Variants in POU6F2 observed in about 807,000 individuals in gnomAD.
POU6F2 encodes the protein POU class 6 homeobox 2, also known as POU domain, class 6, transcription factor 2.
POU6F2 carries 31 observed loss-of-function variants against 71.3 expected under a neutral mutation model. That is an observed-to-expected ratio of 0.43 (90% CI 0.33 to 0.59). POU6F2 has a LOEUF of 0.59. Among genes scored for constraint, POU6F2 ranks in the 20% least tolerant of loss-of-function variants. The pLI is 0.04. For synonymous variants in POU6F2, 347 were observed against 355.7 expected (o/e 0.98, Z 0.27); for missense variants, 783 against 856.8 (o/e 0.91, Z 1.07).
At chr7:39,309,550 C>G (rs1413284222) in intron 4 of POU6F2, among the ~76,000 whole-genome samples, 1 of 152,132 alleles carries the variant, frequency 6.6e-6, no homozygotes, top group Non-Finnish European at 1.5e-5. Context: ...TCTAGAAACT[C>G]CACACCTTTA....
At chr7:38,998,587 A>C (rs538986989) in intron 1 of POU6F2, among the ~76,000 whole-genome samples, 1 of 152,294 alleles carries the variant, frequency 6.6e-6, no homozygotes, top group East Asian at 1.9e-4. Flanking sequence ...TGTTCTGTAA[A>C]GTATTTTCAA....
chr7:39,411,561 T>C (rs918083342), intron 6 of POU6F2, among the ~76,000 whole-genome samples: 2 of 152,162 alleles, frequency 1.3e-5, no homozygotes, highest in Non-Finnish European at 2.9e-5. Context: ...AACACTATTA[T>C]TTCAATGTAT....
At chr7:39,255,862 C>T (rs1421861889) in intron 4 of POU6F2, among the ~76,000 whole-genome samples, 1 of 152,158 alleles carries the variant, frequency 6.6e-6, no homozygotes, top group Non-Finnish European at 1.5e-5. Context: ...CTCAAATTTC[C>T]AGCCATGAGC....
chr7:39,239,995 T>C (rs911512343), intron 4 of POU6F2, among the ~76,000 whole-genome samples: 3 of 152,156 alleles, frequency 2.0e-5, no homozygotes. Flanking sequence ...ACACTTCCAC[T>C]ATGATGAGAA....
chr7:39,220,982 T>C (rs1794343323), intron 4 of POU6F2, among the ~76,000 whole-genome samples: 1 of 152,176 alleles, frequency 6.6e-6, no homozygotes, highest in Admixed American at 6.5e-5. Context: ...ATTTATATAT[T>C]GATAATGTGT....
intron 5 of POU6F2, among the ~76,000 whole-genome samples, chr7:39,370,358 C>T (rs553291297): frequency 1.3e-5 from 2 of 152,314 alleles, no homozygotes; most frequent in Admixed American, 6.5e-5. Flanking sequence ...TGTAGGAAGA[C>T]AGCAGTTGCT....
At chr7:39,156,672 A>G (rs1260811892) in intron 2 of POU6F2, among the ~76,000 whole-genome samples, 1 of 152,120 alleles carries the variant, frequency 6.6e-6, no homozygotes, top group Non-Finnish European at 1.5e-5. Flanking sequence ...ACAGTCATTC[A>G]TCTTGTTTAT....
chr7:39,195,824 G>T (rs914346764), intron 2 of POU6F2, among the ~76,000 whole-genome samples: 1 of 152,116 alleles, frequency 6.6e-6, no homozygotes, highest in Non-Finnish European at 1.5e-5. Context: ...CTCTAGCCTT[G>T]CCATTTCCAC....
chr7:38,997,147 C>T (rs903767856), intron 1 of POU6F2, among the ~76,000 whole-genome samples: 2 of 149,960 alleles, frequency 1.3e-5, no homozygotes, highest in African/African-American at 2.4e-5. Flanking sequence ...AGATTTCCAC[C>T]TGCTCTGTGT....
chr7:39,406,428 C>T, intron 5 of POU6F2, 172 bp from the exon 6 acceptor site: 2 of 677,820 alleles, frequency 3.0e-6, no homozygotes, highest in East Asian at 2.7e-5. Flanking sequence ...TTTCCATCAT[C>T]CCCCTACCCC....
In POU6F2 at chr7:39,015,974, TATATATAGATATATATA is replaced by T. The variant is rs796136096; in HGVS notation, c.105+37933_105+37949del. Among the ~76,000 whole-genome samples, 318 of 40,348 alleles carry T rather than the reference TATATATAGATATATATA, an allele frequency of 7.9e-3. 5 individuals carry two copies. Among genetic ancestry groups the T allele is most frequent in the African/African-American group, 0.024 (188 of 7,758 alleles). The allele number at this position is 40,348 out of a possible 152,430, so 26.5% of individuals were successfully genotyped here. A position where few individuals can be genotyped will look rare whatever the true frequency, so the allele number is the denominator to read the frequency against. On this transcript the variant is annotated intron_variant, in intron 1 of 9. Coordinates refer to ENST00000518318, the MANE Select transcript of POU6F2 (RefSeq NM_001370959.1). ...TTATATATTGTATATTGATATATATTATATATAGATATATATAATATATAGATATATATTATATATTA... is the reference window on the plus strand; with the variant it reads ...TTATATATTGTATATTGATATATATTATATATAGATATATATTATATATTA...
chr7:39,301,383 C>T (rs920965058), intron 4 of POU6F2, among the ~76,000 whole-genome samples: 7 of 152,270 alleles, frequency 4.6e-5, no homozygotes, highest in East Asian at 3.9e-4. Flanking sequence ...ATCACATCAG[C>T]GCTGGCCAAC....
intron 2 of POU6F2, among the ~76,000 whole-genome samples, chr7:39,193,080 C>T (rs1158390605): frequency 6.6e-6 from 1 of 152,122 alleles, no homozygotes; most frequent in African/African-American, 2.4e-5. Context: ...TTGACTGGGA[C>T]CTGAGCATCT....
At chr7:39,179,533 G>GCACACACA (rs564316167) in intron 2 of POU6F2, among the ~76,000 whole-genome samples, 8 of 151,436 alleles carry the variant, frequency 5.3e-5, no homozygotes, top group Non-Finnish European at 7.4e-5. Flanking sequence ...GCACATGCGC[G>GCACACACA]CACACACACA....
intron 5 of POU6F2, among the ~76,000 whole-genome samples, chr7:39,384,567 CAAAAA>C (rs34812278): frequency 2.0e-5 from 3 of 151,396 alleles, no homozygotes; most frequent in Non-Finnish European, 2.9e-5. Context: ...CAAAAAATGA[CAAAAA>C]AAAAGCCCTG....
intron 4 of POU6F2, among the ~76,000 whole-genome samples, chr7:39,214,678 G>T (rs1794205740): frequency 6.6e-6 from 1 of 152,194 alleles, no homozygotes; most frequent in Non-Finnish European, 1.5e-5. Flanking sequence ...ACTTGTAAAA[G>T]GTGCTCAAGT....
At chr7:39,163,227 G>T (rs1793035560) in intron 2 of POU6F2, among the ~76,000 whole-genome samples, 1 of 152,168 alleles carries the variant, frequency 6.6e-6, no homozygotes, top group Admixed American at 6.5e-5. Context: ...TATCTCCCAA[G>T]AATCATATCT....
intron 1 of POU6F2, among the ~76,000 whole-genome samples, chr7:39,065,097 A>G (rs919277855): frequency 6.6e-5 from 10 of 151,952 alleles, no homozygotes; most frequent in Middle Eastern, 3.4e-3. Flanking sequence ...TTATAAACAT[A>G]GAAGATACTT....
chr7:39,371,003 C>T (rs1786594384), intron 5 of POU6F2, among the ~76,000 whole-genome samples: 1 of 152,180 alleles, frequency 6.6e-6, no homozygotes, highest in Non-Finnish European at 1.5e-5. Flanking sequence ...AGAACCCTAA[C>T]TAGTACCATC....
Sources: gnomAD v4.1 joint callset for allele counts (sites outside exome capture counted in the v4.1 genomes callset) on GRCh38, gnomAD v4.1.1 for gene constraint, MANE v1.5 for transcripts, NCBI Gene and HGNC (gene_info 2026-07-23, HGNC 2026-07-21) for gene names.